The following CACNA1C variants were observed in gnomAD, a reference collection of about 807,000 sequenced individuals.
CACNA1C encodes the protein calcium voltage-gated channel subunit alpha1 C.
CACNA1C carries 30 observed loss-of-function variants against 229.0 expected under a neutral mutation model. That is an observed-to-expected ratio of 0.13 (90% CI 0.10 to 0.18). The LOEUF is 0.18. CACNA1C is among the 10% of genes least tolerant of loss of function. The pLI is 1.00. For synonymous variants in CACNA1C, 1,114 were observed against 1,132.5 expected (o/e 0.98, Z 0.33); for missense variants, 1,658 against 2,845.0 (o/e 0.58, Z 9.49).
chr12:2,617,517 G>A (rs2081246852), intron 29 of CACNA1C, among the ~76,000 whole-genome samples: 2 of 152,228 alleles, frequency 1.3e-5, no homozygotes, highest in South Asian at 4.1e-4. Context: ...CACACTCAGG[G>A]GCAGCCGTCC....
In CACNA1C at chr12:2,651,525, A is replaced by G. The variant is rs1184865887; in HGVS notation, c.3946-115A>G. ...CGGAGGGGGAAGTCTAGTGCAGCAA[A>G]CCCTGGCCTGCCTTCCGCCACTGCC... On this transcript the variant is annotated intron_variant, in intron 31 of 46. Coordinates refer to ENST00000399655, the MANE Select transcript of CACNA1C (RefSeq NM_000719.7). The surrounding 1 kb of genome is among the most constrained non-coding windows in gnomAD (Gnocchi z 5.4). The G allele has an allele frequency of 2.0e-6, 3 of 1,524,042 alleles. No individual in the cohort carries two copies. Among genetic ancestry groups the G allele is most frequent in the African/African-American group, 1.4e-5 (1 of 71,976 alleles). The allele number at this position is 1,524,042 out of a possible 1,614,324, so 94.4% of individuals were successfully genotyped here. A position where few individuals can be genotyped will look rare whatever the true frequency, so the allele number is the denominator to read the frequency against.
chr12:2,383,035 A>G (rs2098288623), intron 3 of CACNA1C, among the ~76,000 whole-genome samples: 2 of 152,174 alleles, frequency 1.3e-5, no homozygotes, highest in Admixed American at 6.6e-5. Flanking sequence ...ATCAGCTGGA[A>G]CTAGTTTGTA....
At chr12:2,508,982 C>G (rs951591282) in intron 8 of CACNA1C, among the ~76,000 whole-genome samples, 5 of 152,158 alleles carry the variant, frequency 3.3e-5, no homozygotes, top group African/African-American at 1.2e-4. Context: ...GCACTTGAAG[C>G]TGTAATGAGG....
chr12:2,457,236 C>G (rs372977599), intron 4 of CACNA1C, among the ~76,000 whole-genome samples: 2 of 152,330 alleles, frequency 1.3e-5, no homozygotes, highest in East Asian at 3.9e-4. Context: ...GAGGGCTCCT[C>G]AAGGAGATAA....
At chr12:1,998,833 G>A (rs180781127) in intron 1 of CACNA1C, among the ~76,000 whole-genome samples, 1 of 152,116 alleles carries the variant, frequency 6.6e-6, no homozygotes, top group East Asian at 1.9e-4. Context: ...CAATTTACAT[G>A]GTTTAATTTC....
intron 1 of CACNA1C, among the ~76,000 whole-genome samples, chr12:1,979,645 T>C (rs2035543166): frequency 6.6e-6 from 1 of 152,254 alleles, no homozygotes; most frequent in Admixed American, 6.5e-5. Flanking sequence ...CGAACGGAAC[T>C]TGTTGGATCA....
In CACNA1C at chr12:1,971,018, T is replaced by C. The variant is rs1380603451; in HGVS notation, c.-45T>C. On this transcript the variant is annotated 5_prime_UTR_variant, in exon 1 of 47. Coordinates refer to the CACNA1C transcript ENST00000682462. This position sits in a 1 kb window ranked among gnomAD's most constrained non-coding sequence, Gnocchi z 4.2. ...AAGAGATCATGAGCAGGATAATTAT[T>C]TAGCTTTAAAAATCAACCAATTAAT... 3 of 1,223,332 alleles carry C rather than the reference T, an allele frequency of 2.5e-6. No individual in the cohort carries two copies. The highest frequency in any genetic ancestry group is 3.2e-6 in the Non-Finnish European group (3 of 938,638). 75.8% of individuals were successfully genotyped at this position (1,223,332 alleles called of 1,614,324 possible).
chr12:2,164,140 ATTGT>A (rs1480276365), intron 3 of CACNA1C, among the ~76,000 whole-genome samples: 1 of 152,106 alleles, frequency 6.6e-6, no homozygotes, highest in Non-Finnish European at 1.5e-5. Context: ...ATGTGACCTC[ATTGT>A]TTGTCATCCA....
At chr12:2,623,212 C>G (rs1157006852) in intron 29 of CACNA1C, among the ~76,000 whole-genome samples, 1 of 152,152 alleles carries the variant, frequency 6.6e-6, no homozygotes, top group Non-Finnish European at 1.5e-5. Context: ...GTGATTGGGT[C>G]ACGTTCAAAC....
intron 3 of CACNA1C, among the ~76,000 whole-genome samples, chr12:2,316,313 G>A (rs1046235841): frequency 6.6e-6 from 1 of 152,210 alleles, no homozygotes; most frequent in Non-Finnish European, 1.5e-5. Context: ...CTGTAAAATG[G>A]GGAGAATCAT....
intron 1 of CACNA1C, among the ~76,000 whole-genome samples, chr12:2,084,572 A>T (rs1226983937): frequency 6.6e-6 from 1 of 152,080 alleles, no homozygotes; most frequent in Admixed American, 6.5e-5. Context: ...TCTGCTGGTC[A>T]GCTTCTACTT....
At chr12:2,506,455 A>G (rs1380709848) in intron 8 of CACNA1C, among the ~76,000 whole-genome samples, 3 of 152,352 alleles carry the variant, frequency 2.0e-5, no homozygotes, top group African/African-American at 7.2e-5. Flanking sequence ...AGTGAAGCTG[A>G]TAATTCCAGT....
chr12:2,212,574 AG>A (rs776309234), intron 3 of CACNA1C, among the ~76,000 whole-genome samples: 1 of 152,240 alleles, frequency 6.6e-6, no homozygotes, highest in Non-Finnish European at 1.5e-5. Context: ...TTCAGTCCTT[AG>A]AATGCAGAGC....
chr12:2,394,713 C>G (rs1158866829), intron 3 of CACNA1C, among the ~76,000 whole-genome samples: 1 of 152,088 alleles, frequency 6.6e-6, no homozygotes, highest in Non-Finnish European at 1.5e-5. Context: ...GCAGTGGACA[C>G]CTCTGTCAGG....
At chr12:2,249,058 G>A (rs138836245) in intron 3 of CACNA1C, among the ~76,000 whole-genome samples, 4 of 152,292 alleles carry the variant, frequency 2.6e-5, no homozygotes, top group Non-Finnish European at 5.9e-5. Context: ...CATTTCTAGC[G>A]TTCTGAATAG....
rs990799119 is a variant in CACNA1C at position 2,633,767 on chromosome 12, C to T, written c.3829-530C>T. 1.5e-5 allele frequency: 14 copies of T among 936,458 alleles called. No individual in the cohort carries two copies. The highest frequency in any genetic ancestry group is 1.4e-4 in the Admixed American group (8 of 55,770). 58.0% of individuals were successfully genotyped at this position (936,458 alleles called of 1,614,324 possible). On this transcript the variant is annotated intron_variant, in intron 29 of 46. Transcript: ENST00000399655. This position sits in a 1 kb window ranked among gnomAD's most constrained non-coding sequence, Gnocchi z 5.8. The stretch of plus-strand genomic sequence containing the variant: ...CCTCCTCATTCCTCCTCCTCTGCCT[C>T]GTCTATTTCTCTCTCTCTCACTCTC...
chr12:2,194,684 C>T (rs116556102), intron 3 of CACNA1C, among the ~76,000 whole-genome samples: 272 of 152,250 alleles, frequency 1.8e-3, no homozygotes, highest in African/African-American at 6.4e-3. Flanking sequence ...CTTATCTGAG[C>T]TGCTTTCCTT....
intron 1 of CACNA1C, among the ~76,000 whole-genome samples, chr12:2,045,576 A>G (rs1299424709): frequency 6.6e-6 from 1 of 152,226 alleles, no homozygotes; most frequent in Non-Finnish European, 1.5e-5. Context: ...TCCATAGTGC[A>G]GCACCTTCGT....
At chr12:2,628,147 T>C (rs2088071860) in intron 29 of CACNA1C, among the ~76,000 whole-genome samples, 1 of 152,162 alleles carries the variant, frequency 6.6e-6, no homozygotes, top group African/African-American at 2.4e-5. Flanking sequence ...TGGTGCGGCC[T>C]CTGCTCTGGG....
Sources: gnomAD v4.1 joint callset for allele counts (sites outside exome capture counted in the v4.1 genomes callset) on GRCh38, gnomAD v4.1.1 for gene constraint, Gnocchi (gnomAD v3.1) non-coding constraint, MANE v1.5 for transcripts, NCBI Gene and HGNC (gene_info 2026-07-23, HGNC 2026-07-21) for gene names.